The following MRTFA variants were observed in gnomAD, a reference collection of about 807,000 sequenced individuals.
MRTFA encodes myocardin related transcription factor A.
In MRTFA, 20 loss-of-function variants were observed where a neutral mutation model predicts 83.5. That is an observed-to-expected ratio of 0.24 (90% confidence interval 0.17 to 0.35). The LOEUF is 0.35. MRTFA is among the 10% of genes least tolerant of loss of function. The pLI is 1.00. For synonymous variants in MRTFA, 659 were observed against 541.2 expected (o/e 1.22, Z -3.02); for missense variants, 1,200 against 1,224.7 (o/e 0.98, Z 0.30).
At chr22:40,437,799 T>C (rs1010168176) in intron 4 of MRTFA, among the ~76,000 whole-genome samples, 2 of 151,924 alleles carry the variant, frequency 1.3e-5, no homozygotes, top group African/African-American at 2.4e-5. Context: ...TACATACTTT[T>C]CTTGTTTACT....
rs1345515208 is a variant in MRTFA at position 40,411,303 on chromosome 22, T to C, written c.*87A>G. 3.6e-6 allele frequency: 5 copies of C among 1,382,026 alleles called. No individual in the cohort carries two copies. Among genetic ancestry groups the C allele is most frequent in the African/African-American group, 1.4e-5 (1 of 69,326 alleles). 85.6% of individuals were successfully genotyped at this position (1,382,026 alleles called of 1,614,324 possible). A position where few individuals can be genotyped will look rare whatever the true frequency, so the allele number is the denominator to read the frequency against. ...CTGTGATTGTCAAGACTCACAACCA[T>C]GTGGAGAGGCCGAATCACGCAGGAG... On this transcript the variant is annotated 3_prime_UTR_variant, in exon 15 of 15. Coordinates refer to ENST00000355630, the MANE Select transcript of MRTFA (RefSeq NM_020831.6).
intron 3 of MRTFA, among the ~76,000 whole-genome samples, chr22:40,544,163 AACACAAG>A (rs1445632983): frequency 2.6e-5 from 4 of 152,242 alleles, no homozygotes; most frequent in African/African-American, 9.6e-5. Context: ...TATTTCCAGA[AACACAAG>A]ACACAAAACT....
intron 3 of MRTFA, among the ~76,000 whole-genome samples, chr22:40,529,630 C>T (rs567192221): frequency 2.4e-4 from 37 of 152,124 alleles, no homozygotes; most frequent in African/African-American, 8.4e-4. Flanking sequence ...AAATAGATAA[C>T]ATGTATGTGG....
Position 40,419,329 on chromosome 22 carries a change from TTGG to T in MRTFA, c.1406_1408del (p.Thr469del). The T allele has an allele frequency of 6.2e-7, 1 of 1,614,002 alleles. No individual in the cohort carries two copies. ...TCGAAGGCGCTCAATCAGCTCAGTTTTGGTGCCCGAGACAGGCAGTGATCGCAA... is the reference window on the plus strand; with the variant it reads ...TCGAAGGCGCTCAATCAGCTCAGTTTTGCCCGAGACAGGCAGTGATCGCAA... On this transcript the variant is annotated inframe_deletion, in exon 12 of 15. Coordinates refer to ENST00000355630, the MANE Select transcript of MRTFA (RefSeq NM_020831.6).
intron 2 of MRTFA, chr22:40,586,775 C>CT: frequency 6.1e-6 from 2 of 328,232 alleles, no homozygotes; most frequent in Non-Finnish European, 5.9e-6. Context: ...AGCTGCTGCC[C>CT]TTTTTCCCAC....
At chr22:40,540,515 C>T (rs779105778) in intron 3 of MRTFA, among the ~76,000 whole-genome samples, 5 of 152,060 alleles carry the variant, frequency 3.3e-5, no homozygotes, top group Non-Finnish European at 7.4e-5. Context: ...AGCCAGGCAG[C>T]GCGGTGGCTC....
intron 1 of MRTFA, among the ~76,000 whole-genome samples, chr22:40,609,479 T>C (rs1415358436): frequency 1.8e-5 from 1 of 56,802 alleles, no homozygotes; most frequent in East Asian, 7.2e-4. Context: ...CCTGTCTCTT[T>C]AACAAAAAAA....
In MRTFA at chr22:40,419,113, A is replaced by AC; in HGVS notation, c.1624dup (p.Val542GlyfsTer27). 6.3e-7 allele frequency: 1 copy of AC among 1,592,870 alleles called. No individual in the cohort carries two copies. Among genetic ancestry groups the AC allele is most frequent in the Non-Finnish European group, 8.5e-7 (1 of 1,170,042 alleles). Reference sequence around the variant, plus strand: ...CGTGGAGCCCGTGCTGCCAAACTTCACCACCCCACTGCTGGCCACCGTGGC... The same window carrying AC: ...CGTGGAGCCCGTGCTGCCAAACTTCACCCACCCCACTGCTGGCCACCGTGGC... On this transcript the variant is annotated frameshift_variant, in exon 12 of 15. Coordinates refer to ENST00000355630, the MANE Select transcript of MRTFA (RefSeq NM_020831.6). LOFTEE classifies it high-confidence loss of function.
intron 2 of MRTFA, among the ~76,000 whole-genome samples, chr22:40,586,487 C>T (rs534260452): frequency 6.6e-6 from 1 of 152,104 alleles, no homozygotes; most frequent in Admixed American, 6.5e-5. Context: ...TGGCAAACGC[C>T]CTCAGAATCT....
intron 14 of MRTFA, among the ~76,000 whole-genome samples, chr22:40,413,340 C>T (rs2052603224): frequency 6.8e-6 from 1 of 146,916 alleles, no homozygotes; most frequent in African/African-American, 2.6e-5. Flanking sequence ...TATTTTACCA[C>T]AATTTTTTTT....
intron 3 of MRTFA, among the ~76,000 whole-genome samples, chr22:40,475,450 T>C (rs2053977094): frequency 6.6e-6 from 1 of 151,926 alleles, no homozygotes; most frequent in South Asian, 2.1e-4. Context: ...GGCAGGAGAA[T>C]GGCTTGAATC....
At chr22:40,579,169 G>A (rs2055911237) in intron 2 of MRTFA, among the ~76,000 whole-genome samples, 1 of 152,164 alleles carries the variant, frequency 6.6e-6, no homozygotes, top group Non-Finnish European at 1.5e-5. Flanking sequence ...CCATAGCCAA[G>A]TCTGCTAATT....
Position 40,411,559 on chromosome 22 carries a change from A to T in MRTFA, c.2927T>A (p.Met976Lys), listed in dbSNP as rs1326313560. 1 of 1,613,826 alleles carries T rather than the reference A, an allele frequency of 6.2e-7. No individual in the cohort carries two copies. Among genetic ancestry groups the T allele is most frequent in the Non-Finnish European group, 8.5e-7 (1 of 1,179,938 alleles). Reference sequence around the variant, plus strand: ...GTGGCCATCAGCCAGGTCCAGGCCCATGGTGCTGCTGGGCTCAGGAACAAA... The same window carrying T: ...GTGGCCATCAGCCAGGTCCAGGCCCTTGGTGCTGCTGGGCTCAGGAACAAA... Residue 976 changes from methionine to lysine, a missense_variant, in exon 15 of 15, where the codon ATG becomes AAG. Physicochemically the swap from Met to Lys is moderately conservative, Grantham distance 95. Around this residue, in one of 2 missense-constraint regions of MRTFA, gnomAD observed 1,107 missense variants for 1,041.8 expected, o/e 1.06. Coordinates refer to ENST00000355630, the MANE Select transcript of MRTFA (RefSeq NM_020831.6).
intron 3 of MRTFA, chr22:40,523,001 C>T (rs909562627): frequency 1.3e-5 from 2 of 152,078 alleles, no homozygotes; most frequent in African/African-American, 4.8e-5. Context: ...CTTAGCCCCC[C>T]GTCTGTTCAC....
intron 3 of MRTFA, among the ~76,000 whole-genome samples, chr22:40,513,295 G>C (rs745939292): frequency 1.3e-5 from 2 of 152,176 alleles, no homozygotes; most frequent in Non-Finnish European, 2.9e-5. Flanking sequence ...CTTGGTTTGA[G>C]TTTGAGCTGT....
intron 2 of MRTFA, among the ~76,000 whole-genome samples, chr22:40,591,364 A>T (rs1034395462): frequency 6.6e-6 from 1 of 152,116 alleles, no homozygotes; most frequent in Admixed American, 6.5e-5. Flanking sequence ...TACACTTTTT[A>T]AAAAGTGTTG....
chr22:40,582,692 A>ACC (rs1163039247), intron 2 of MRTFA, among the ~76,000 whole-genome samples: 1 of 149,230 alleles, frequency 6.7e-6, no homozygotes, highest in Non-Finnish European at 1.5e-5. Context: ...ACACACACAC[A>ACC]CACCCTTCTC....
chr22:40,549,126 GCAATCA>G (rs2055409745), intron 3 of MRTFA, among the ~76,000 whole-genome samples: 7 of 152,116 alleles, frequency 4.6e-5, no homozygotes, highest in Admixed American at 4.6e-4. Context: ...GTGTAGTGGT[GCAATCA>G]TAGCTCACTA....
At chr22:40,518,172 G>A (rs115980845) in intron 3 of MRTFA, among the ~76,000 whole-genome samples, 2,176 of 152,124 alleles carry the variant, frequency 0.014, 35 homozygotes, top group African/African-American at 0.046. Context: ...TCTGTGAGTC[G>A]TTCTAGCAAA....
Sources: allele counts gnomAD v4.1 joint callset (sites outside exome capture counted in the v4.1 genomes callset), GRCh38; gene constraint gnomAD v4.1.1; regional missense constraint gnomAD v4.1.1; transcripts MANE v1.5; gene names NCBI Gene and HGNC (gene_info 2026-07-23, HGNC 2026-07-21).